ATP11A: variants seen among roughly 807,000 people sequenced by gnomAD.
The protein encoded by ATP11A is ATPase phospholipid transporting 11A.
A neutral mutation model predicts 154.4 loss-of-function variants in ATP11A; 81 were observed. The observed-to-expected ratio is 0.52, with a 90% CI of 0.44 to 0.63. The LOEUF (loss-of-function observed/expected upper bound fraction) is 0.63. Ranked by LOEUF, ATP11A falls within the 30% of genes least tolerant of loss-of-function variation. ATP11A has a pLI of 0.00. For synonymous variants in ATP11A, 623 were observed against 585.9 expected, an observed-to-expected ratio of 1.06 and a Z score of -0.91; for missense variants, 1,316 against 1,474.3, an observed-to-expected ratio of 0.89 and a Z score of 1.76.
intron 2 of ATP11A, among the ~76,000 whole-genome samples, chr13:112,794,596 G>T (rs74115475): frequency 0.041 from 6,228 of 152,282 alleles, 400 homozygotes; most frequent in African/African-American, 0.14. Flanking sequence ...GAGGCCAGGC[G>T]CAGTGGCTCA....
intron 1 of ATP11A, among the ~76,000 whole-genome samples, chr13:112,762,655 C>T (rs1481330641): frequency 6.6e-6 from 1 of 152,202 alleles, no homozygotes; most frequent in Non-Finnish European, 1.5e-5. Context: ...CCCTTAACTC[C>T]CATGTCCCTG....
rs1214528680 is a variant in ATP11A, at chr13:112,777,382, G to C, written c.40-7753G>C. 1.6e-4 allele frequency among the ~76,000 whole-genome samples: 25 copies of C among 152,134 alleles called. 1 individual carries two copies. Among genetic ancestry groups the C allele is most frequent in the Admixed American group, 1.6e-3 (25 of 15,270 alleles). The stretch of plus-strand genomic sequence containing the variant: ...AGTTTGAGACCAGCCTGGCCAACAC[G>C]GTGAAACCCAGTCTCTACTAAAAAT... On this transcript the variant is annotated intron_variant, in intron 1 of 29. Transcript: ENST00000375645.
At chr13:112,732,588 G>GA (rs967175289) in intron 1 of ATP11A, among the ~76,000 whole-genome samples, 3 of 152,138 alleles carry the variant, frequency 2.0e-5, no homozygotes, top group African/African-American at 7.2e-5. Context: ...TTTATTTTAT[G>GA]ACCATATCTG....
At chr13:112,879,708 C>G (rs1028568899) in intron 29 of ATP11A, among the ~76,000 whole-genome samples, 8 of 152,330 alleles carry the variant, frequency 5.3e-5, no homozygotes, top group African/African-American at 1.9e-4. Flanking sequence ...GCCCGGCGCA[C>G]ACGGGAACAC....
chr13:112,814,204 C>T (rs1326956875), intron 5 of ATP11A, among the ~76,000 whole-genome samples: 1 of 152,108 alleles, frequency 6.6e-6, no homozygotes, highest in African/African-American at 2.4e-5. Context: ...GCTGGGATTA[C>T]AGGCGTGCAC....
rs1049063042 is a variant in ATP11A at position 112,862,781 on chromosome 13, G to C, written c.2991+206G>C. 1.3e-4 allele frequency among the ~76,000 whole-genome samples: 14 copies of C among 105,942 alleles called. No homozygotes were observed. In the Admixed American group the frequency reaches 1.4e-3, roughly 11 times the overall value. 69.5% of individuals were successfully genotyped at this position (105,942 alleles called of 152,430 possible). ...CATGTGCCGTAATTCAGTGCAGCCCGTGCAGCTTCCCAGCAGGGTCCATCA... is the reference window on the plus strand; with the variant it reads ...CATGTGCCGTAATTCAGTGCAGCCCCTGCAGCTTCCCAGCAGGGTCCATCA... On this transcript the variant is annotated intron_variant, in intron 25 of 29. Coordinates refer to ENST00000375645, the MANE Select transcript of ATP11A (RefSeq NM_015205.3).
rs1473890464 is a variant in ATP11A at position 112,838,837 on chromosome 13, TAAGC to T, written c.1705+2590_1705+2593del. On this transcript the variant is annotated intron_variant, in intron 16 of 29. Coordinates refer to ENST00000375645, the MANE Select transcript of ATP11A (RefSeq NM_015205.3). This position sits in a 1 kb window ranked among gnomAD's most constrained non-coding sequence, Gnocchi z 7.3. ...TTTAAGAGAAGTTTGAATATGTAATTAAGCAAGGTGTTCTGTAAGTAGTAGTCAT... is the reference window on the plus strand; with the variant it reads ...TTTAAGAGAAGTTTGAATATGTAATTAAGGTGTTCTGTAAGTAGTAGTCAT... 6.6e-6 allele frequency among the ~76,000 whole-genome samples: 1 copy of T among 152,186 alleles called. No individual in the cohort carries two copies. Among genetic ancestry groups the T allele is most frequent in the Non-Finnish European group, 1.5e-5 (1 of 68,030 alleles).
chr13:112,714,478 A>T (rs1888198260), intron 1 of ATP11A, among the ~76,000 whole-genome samples: 1 of 150,926 alleles, frequency 6.6e-6, no homozygotes, highest in African/African-American at 2.4e-5. Context: ...CTCCCTCCTC[A>T]CTCCCCGAAC....
intron 1 of ATP11A, among the ~76,000 whole-genome samples, chr13:112,715,989 C>T (rs1888420150): frequency 1.3e-5 from 2 of 152,124 alleles, no homozygotes; most frequent in African/African-American, 2.4e-5. Flanking sequence ...TTTTGCTTTG[C>T]TTTCTCTCCC....
chr13:112,771,916 A>G (rs546484289), intron 1 of ATP11A, among the ~76,000 whole-genome samples: 1 of 152,372 alleles, frequency 6.6e-6, no homozygotes, highest in African/African-American at 2.4e-5. Flanking sequence ...TGAAGCAGAC[A>G]CCGGGAGCCC....
intron 1 of ATP11A, among the ~76,000 whole-genome samples, chr13:112,693,891 G>T (rs1218544454): frequency 6.6e-6 from 1 of 152,228 alleles, no homozygotes; most frequent in Admixed American, 6.5e-5. Context: ...GGCGGAGGTT[G>T]CAGTGAGCTG....
At chr13:112,832,792 C>T (rs753221503) in intron 13 of ATP11A, 68 bp from the exon 14 acceptor site, 98 of 1,553,788 alleles carry the variant, frequency 6.3e-5, no homozygotes, top group East Asian at 1.1e-4. Context: ...TATCTCTCTG[C>T]GCCTGTTTCC....
intron 1 of ATP11A, among the ~76,000 whole-genome samples, chr13:112,701,814 C>G (rs1886575822): frequency 6.6e-6 from 1 of 152,090 alleles, no homozygotes; most frequent in African/African-American, 2.4e-5. Context: ...GCCTGGGCGA[C>G]AGAGCAGGCT....
At chr13:112,865,770 C>G (rs954000512) in intron 25 of ATP11A, among the ~76,000 whole-genome samples, 56 of 152,210 alleles carry the variant, frequency 3.7e-4, no homozygotes, top group Admixed American at 1.3e-4. Context: ...AGGATGGTCT[C>G]CATCTCCTGA....
intron 1 of ATP11A, among the ~76,000 whole-genome samples, chr13:112,692,500 A>T (rs996821338): frequency 6.6e-6 from 1 of 152,176 alleles, no homozygotes; most frequent in Non-Finnish European, 1.5e-5. Flanking sequence ...ATAGATCTAT[A>T]TAAGTGTTTG....
intron 25 of ATP11A, among the ~76,000 whole-genome samples, chr13:112,869,977 C>A (rs2080461080): frequency 6.6e-6 from 1 of 152,164 alleles, no homozygotes. Flanking sequence ...GCCCCTCCAC[C>A]CCCCCATCCA....
chr13:112,780,623 T>C (rs2077474837), intron 1 of ATP11A, among the ~76,000 whole-genome samples: 1 of 152,132 alleles, frequency 6.6e-6, no homozygotes, highest in Admixed American at 6.5e-5. Context: ...CAGGAGTCGC[T>C]CGAGATGTTT....
chr13:112,698,345 G>C (rs1886121196), intron 1 of ATP11A, among the ~76,000 whole-genome samples: 1 of 152,174 alleles, frequency 6.6e-6, no homozygotes, highest in Non-Finnish European at 1.5e-5. Context: ...GGCTTTTCTG[G>C]TTTGGTTGAG....
chr13:112,718,701 A>G (rs1241965368), intron 1 of ATP11A, among the ~76,000 whole-genome samples: 1 of 135,132 alleles, frequency 7.4e-6, no homozygotes. Flanking sequence ...ACTGAGTTTC[A>G]TTCTTGTCAC....
Sources: gnomAD v4.1 joint callset for allele counts (sites outside exome capture counted in the v4.1 genomes callset) on GRCh38, gnomAD v4.1.1 for gene constraint, Gnocchi (gnomAD v3.1) non-coding constraint, MANE v1.5 for transcripts, NCBI Gene and HGNC (gene_info 2026-07-23, HGNC 2026-07-21) for gene names.